The following PALM2AKAP2 variants were observed in gnomAD, a reference collection of about 807,000 sequenced individuals.
PALM2AKAP2 encodes PALM2 and AKAP2 fusion.
A neutral mutation model predicts 71.5 loss-of-function variants in PALM2AKAP2; 37 were observed. The ratio of observed to expected loss-of-function variants is 0.52; its 90% CI spans 0.40 to 0.68. The LOEUF (loss-of-function observed/expected upper bound fraction) is 0.68. PALM2AKAP2 is among the 30% of genes least tolerant of loss of function. The probability of loss-of-function intolerance (pLI) is 0.00; values close to 1 mark genes in which losing one functional copy is unlikely to be tolerated. For synonymous variants in PALM2AKAP2, 468 were observed against 478.8 expected (o/e 0.98, Z 0.29); for missense variants, 1,224 against 1,191.8 (o/e 1.03, Z -0.40).
intron 1 of PALM2AKAP2, among the ~76,000 whole-genome samples, chr9:109,820,374 G>C (rs899623719): frequency 4.6e-5 from 7 of 152,150 alleles, no homozygotes; most frequent in Admixed American, 6.5e-5. Flanking sequence ...ATGTATGTCT[G>C]TCTGGGATGC....
At chr9:109,924,723 A>G (rs892029259) in intron 4 of PALM2AKAP2, among the ~76,000 whole-genome samples, 2 of 152,232 alleles carry the variant, frequency 1.3e-5, no homozygotes, top group African/African-American at 4.8e-5. Flanking sequence ...CCTCCATTTT[A>G]TAACTGTTTC....
chr9:110,011,012 AAAAT>A lies in PALM2AKAP2; in HGVS notation c.497-4940_497-4937del, dbSNP rs1398557918. Among the ~76,000 whole-genome samples the A allele has an allele frequency of 1.5e-3, 133 of 90,456 alleles. 3 individuals are homozygous for A. The East Asian group carries it at 0.022, about 15-fold the overall frequency. 59.3% of individuals were successfully genotyped at this position (90,456 alleles called of 152,430 possible). A position where few individuals can be genotyped will look rare whatever the true frequency, so the allele number is the denominator to read the frequency against. On this transcript the variant is annotated intron_variant, in intron 6 of 9. Transcript: ENST00000302798. ...ACTCTGTCTCAAAAAAAAAAAAAAA[AAAAT>A]ATATATATATATATATATATACTTT...
intron 1 of PALM2AKAP2, chr9:109,867,208 G>GTC (rs1829475013): frequency 7.9e-6 from 3 of 377,374 alleles, no homozygotes; most frequent in Non-Finnish European, 1.6e-5. Context: ...GTGTGTGTCT[G>GTC]TGTGTGTGTG....
At chr9:110,125,376 C>A in intron 1 of PALM2AKAP2, 1 of 484,664 alleles carries the variant, frequency 2.1e-6, no homozygotes, top group Non-Finnish European at 2.7e-6. Flanking sequence ...CCTCCAGCTC[C>A]GGCCAGCCAG....
At position 109,727,137 on chromosome 9, in the gene PALM2AKAP2, T is replaced by TTATTC. The variant is rs551383987; in HGVS notation, c.6-53349_6-53345dup. On this transcript the variant is annotated intron_variant, in intron 1 of 6. Transcript: ENST00000374531. ...AGTGTGTTTTACTTCTCTATTTAAA[T>TTATTC]TATTCTTGTTTTCTTGCTCTCTGCC... Among the ~76,000 whole-genome samples, 227 of 152,348 alleles carry TTATTC rather than the reference T, an allele frequency of 1.5e-3. 1 individual carries two copies. The highest frequency in any genetic ancestry group is 5.1e-3 in the African/African-American group (213 of 41,582).
chr9:109,730,891 C>A (rs1227501684), intron 1 of PALM2AKAP2, among the ~76,000 whole-genome samples: 1 of 151,906 alleles, frequency 6.6e-6, no homozygotes, highest in African/African-American at 2.4e-5. Context: ...TTGAATAGCG[C>A]TCATTTGCCA....
chr9:109,764,529 G>T (rs1177505474), intron 1 of PALM2AKAP2, among the ~76,000 whole-genome samples: 1 of 152,116 alleles, frequency 6.6e-6, no homozygotes, highest in Admixed American at 6.5e-5. Flanking sequence ...AGTTCCCCTA[G>T]ATCCCAAGAA....
chr9:109,766,203 TA>T (rs1251685707), intron 1 of PALM2AKAP2, among the ~76,000 whole-genome samples: 2 of 152,304 alleles, frequency 1.3e-5, no homozygotes, highest in African/African-American at 4.8e-5. Flanking sequence ...GTTTTGCCCA[TA>T]AAAGGGCCAC....
intron 2 of PALM2AKAP2, among the ~76,000 whole-genome samples, chr9:110,149,591 T>C (rs901713624): frequency 7.9e-5 from 12 of 152,230 alleles, no homozygotes; most frequent in Admixed American, 6.5e-4. Context: ...GAAGCCAATA[T>C]TGGGTTGATA....
At chr9:109,854,595 C>A (rs773054123) in intron 1 of PALM2AKAP2, among the ~76,000 whole-genome samples, 12 of 152,072 alleles carry the variant, frequency 7.9e-5, no homozygotes, top group Non-Finnish European at 1.6e-4. Flanking sequence ...ATTCCAAATC[C>A]TACCATCTAG....
At chr9:109,791,957 T>TC (rs1282630067) in intron 1 of PALM2AKAP2, among the ~76,000 whole-genome samples, 4 of 152,070 alleles carry the variant, frequency 2.6e-5, no homozygotes, top group African/African-American at 7.2e-5. Flanking sequence ...TCAATGACCC[T>TC]CCCCCTCTAC....
intron 1 of PALM2AKAP2, among the ~76,000 whole-genome samples, chr9:109,802,494 G>A (rs1298098894): frequency 6.6e-6 from 1 of 152,176 alleles, no homozygotes; most frequent in Non-Finnish European, 1.5e-5. Flanking sequence ...ATAATTTAGA[G>A]CATAAATAAA....
Position 109,979,951 on chromosome 9 carries a change from C to T in PALM2AKAP2, c.497-36003C>T, listed in dbSNP as rs188497987. ...AGACGCAGACAGGCCTGGATGACAC[C>T]GGCATCCTCTGGGAATAGGCTGCTT... On this transcript the variant is annotated intron_variant, in intron 6 of 9. Transcript: ENST00000302798. Among the ~76,000 whole-genome samples the T allele has an allele frequency of 1.1e-3, 163 of 152,262 alleles. 1 individual carries two copies. Among genetic ancestry groups the T allele is most frequent in the Admixed American group, 3.6e-3 (55 of 15,292 alleles).
At chr9:109,696,361 T>G (rs79392956) in intron 1 of PALM2AKAP2, among the ~76,000 whole-genome samples, 1 of 152,174 alleles carries the variant, frequency 6.6e-6, no homozygotes, top group Non-Finnish European at 1.5e-5. Flanking sequence ...GAACTTCTCA[T>G]AGTAAGAGAA....
At chr9:110,090,444 C>G (rs943556885) in intron 1 of PALM2AKAP2, 1 of 456,630 alleles carries the variant, frequency 2.2e-6, no homozygotes. Context: ...TTACTGTGGA[C>G]TTTTGCTTGC....
intron 1 of PALM2AKAP2, among the ~76,000 whole-genome samples, chr9:109,700,375 T>G (rs1263194835): frequency 6.6e-6 from 1 of 152,160 alleles, no homozygotes; most frequent in Admixed American, 6.5e-5. Flanking sequence ...AGACGTGACT[T>G]TGCTCCTCCT....
At chr9:110,058,907 T>TTTG (rs1365862550) in intron 1 of PALM2AKAP2, among the ~76,000 whole-genome samples, 19 of 147,372 alleles carry the variant, frequency 1.3e-4, no homozygotes, top group South Asian at 4.4e-4. Context: ...GGTTTTTTTT[T>TTTG]TTTTTTTTTT....
chr9:110,075,136 G>A (rs150455196), intron 1 of PALM2AKAP2, among the ~76,000 whole-genome samples: 14 of 152,164 alleles, frequency 9.2e-5, no homozygotes, highest in South Asian at 6.2e-4. Flanking sequence ...GCCGAATGTC[G>A]GTGTGCCAGC....
chr9:109,723,080 C>T (rs1828428454), intron 1 of PALM2AKAP2, among the ~76,000 whole-genome samples: 1 of 152,228 alleles, frequency 6.6e-6, no homozygotes, highest in South Asian at 2.1e-4. Flanking sequence ...CCTTTTCTCA[C>T]TTTGTATTCC....
Sources: allele counts gnomAD v4.1 joint callset (sites outside exome capture counted in the v4.1 genomes callset), GRCh38; gene constraint gnomAD v4.1.1; transcripts MANE v1.5; gene names NCBI Gene and HGNC (gene_info 2026-07-23, HGNC 2026-07-21).